SLC1A3: variants seen among roughly 807,000 people sequenced by gnomAD.
SLC1A3 encodes the protein solute carrier family 1 member 3, also known as excitatory amino acid transporter 1.
SLC1A3 carries 21 observed loss-of-function variants against 48.1 expected under a neutral mutation model. The observed-to-expected ratio is 0.44, with a 90% CI of 0.31 to 0.63. SLC1A3 has a LOEUF of 0.63. Ranked by LOEUF, SLC1A3 falls within the 20% of genes least tolerant of loss-of-function variation. The pLI, the probability that SLC1A3 is intolerant of heterozygous loss-of-function variation, is 0.08. For synonymous variants in SLC1A3, 239 were observed against 251.4 expected, an observed-to-expected ratio of 0.95 and a Z score of 0.47; for missense variants, 546 against 689.0, an observed-to-expected ratio of 0.79 and a Z score of 2.32.
At chr5:36,608,956 G>A in intron 2 of SLC1A3, 32 of 1,024,438 alleles carry the variant, frequency 3.1e-5, no homozygotes, top group Admixed American at 5.2e-5. Context: ...TATATACAAT[G>A]TCAGTTGCAC....
intron 3 of SLC1A3, among the ~76,000 whole-genome samples, chr5:36,635,636 T>C (rs1201861939): frequency 6.6e-6 from 1 of 152,208 alleles, no homozygotes; most frequent in Non-Finnish European, 1.5e-5. Flanking sequence ...TTGTAAATAT[T>C]TTCATTGGTT....
At chr5:36,639,776 G>T (rs1740538173) in intron 3 of SLC1A3, among the ~76,000 whole-genome samples, 1 of 152,136 alleles carries the variant, frequency 6.6e-6, no homozygotes, top group South Asian at 2.1e-4. Flanking sequence ...CTTACTATTT[G>T]TGTAAGTAAA....
At chr5:36,643,143 C>T (rs1740687210) in intron 3 of SLC1A3, among the ~76,000 whole-genome samples, 1 of 152,146 alleles carries the variant, frequency 6.6e-6, no homozygotes, top group Admixed American at 6.6e-5. Flanking sequence ...CATTCATGGA[C>T]ATACATTTTC....
intron 7 of SLC1A3, among the ~76,000 whole-genome samples, chr5:36,680,151 G>A (rs553148391): frequency 6.6e-6 from 1 of 152,316 alleles, no homozygotes; most frequent in South Asian, 2.1e-4. Context: ...ACAGGCTGTC[G>A]TGATGAGGGC....
rs927470194 is a variant in SLC1A3, at chr5:36,656,116, T to C, written c.320-14913T>C. Among the ~76,000 whole-genome samples the C allele has an allele frequency of 6.6e-5, 10 of 152,358 alleles. No individual in the cohort carries two copies. The South Asian group carries it at 1.2e-3, about 19-fold the overall frequency. On this transcript the variant is annotated intron_variant, in intron 3 of 9. Transcript: ENST00000265113. ...AAAGGTTAATTCTATAATTGGTCAG[T>C]GACTTTTTAATTTTACCTGCCATAA...
intron 3 of SLC1A3, among the ~76,000 whole-genome samples, chr5:36,639,049 A>G (rs1366700732): frequency 6.6e-6 from 1 of 152,226 alleles, no homozygotes; most frequent in East Asian, 1.9e-4. Context: ...AAAAAGTGAA[A>G]TGCTACTCTG....
At chr5:36,615,620 A>G (rs763843631) in intron 2 of SLC1A3, among the ~76,000 whole-genome samples, 10 of 152,200 alleles carry the variant, frequency 6.6e-5, no homozygotes, top group Non-Finnish European at 1.5e-4. Flanking sequence ...GTCTCTGCCC[A>G]TCTCTCATAA....
At chr5:36,625,365 T>G in intron 2 of SLC1A3, among the ~76,000 whole-genome samples, 1 of 152,082 alleles carries the variant, frequency 6.6e-6, no homozygotes, top group Non-Finnish European at 1.5e-5. Context: ...GGCTGAGGCA[T>G]GAGAATTGCT....
At chr5:36,608,734 G>T in intron 2 of SLC1A3, 130 bp downstream of exon 2, 1 of 1,490,306 alleles carries the variant, frequency 6.7e-7, no homozygotes, top group Admixed American at 2.4e-5. Context: ...CTCTGAACTT[G>T]ATGATTTTTC....
chr5:36,632,822 G>A (rs889923830), intron 3 of SLC1A3, among the ~76,000 whole-genome samples: 61 of 152,272 alleles, frequency 4.0e-4, no homozygotes, highest in African/African-American at 1.4e-3. Flanking sequence ...TGAAACATCC[G>A]TGTTTATGAG....
At chr5:36,607,584 C>T (rs1469571859) in intron 1 of SLC1A3, among the ~76,000 whole-genome samples, 3 of 152,122 alleles carry the variant, frequency 2.0e-5, no homozygotes, top group African/African-American at 7.2e-5. Flanking sequence ...CGGAAGATTC[C>T]AGCATGTGTG....
At chr5:36,624,654 T>G (rs1388688864) in intron 2 of SLC1A3, among the ~76,000 whole-genome samples, 1 of 152,244 alleles carries the variant, frequency 6.6e-6, no homozygotes, top group Admixed American at 6.5e-5. Flanking sequence ...GATGCAAACG[T>G]TGACACACGT....
chr5:36,655,086 A>G (rs1173600658), intron 3 of SLC1A3, among the ~76,000 whole-genome samples: 1 of 152,138 alleles, frequency 6.6e-6, no homozygotes, highest in Non-Finnish European at 1.5e-5. Flanking sequence ...TGTTTGTTGT[A>G]TGTGCCTCCT....
At chr5:36,680,798 T>A (rs1296211917) in intron 8 of SLC1A3, among the ~76,000 whole-genome samples, 2 of 151,740 alleles carry the variant, frequency 1.3e-5, no homozygotes, top group Non-Finnish European at 2.9e-5. Context: ...GGGCCTGTGG[T>A]CCCAGCTACT....
chr5:36,599,899 G>A (rs1004447070), intron 1 of SLC1A3, among the ~76,000 whole-genome samples: 4 of 151,962 alleles, frequency 2.6e-5, no homozygotes, highest in East Asian at 3.9e-4. Flanking sequence ...TAGGCTCACC[G>A]CAACCTCCGA....
chr5:36,622,531 T>C (rs1739717504), intron 2 of SLC1A3, among the ~76,000 whole-genome samples: 1 of 152,214 alleles, frequency 6.6e-6, no homozygotes, highest in Admixed American at 6.5e-5. Flanking sequence ...TTTTCTGGCA[T>C]CTTAATATTT....
At chr5:36,658,022 A>G (rs928077932) in intron 3 of SLC1A3, among the ~76,000 whole-genome samples, 2 of 152,224 alleles carry the variant, frequency 1.3e-5, no homozygotes, top group African/African-American at 4.8e-5. Context: ...TTGGGCAGGC[A>G]ATGTGCTAAC....
intron 4 of SLC1A3, among the ~76,000 whole-genome samples, chr5:36,672,446 C>T (rs1418497533): frequency 6.6e-6 from 1 of 152,204 alleles, no homozygotes; most frequent in African/African-American, 2.4e-5. Flanking sequence ...TAGTCCCTCC[C>T]AGCCTGTCTT....
At chr5:36,645,178 A>G (rs1740785063) in intron 3 of SLC1A3, among the ~76,000 whole-genome samples, 1 of 152,122 alleles carries the variant, frequency 6.6e-6, no homozygotes, top group African/African-American at 2.4e-5. Context: ...AAGAAAGTAA[A>G]TATTTGCTTT....
Sources: allele counts gnomAD v4.1 joint callset (sites outside exome capture counted in the v4.1 genomes callset), GRCh38; gene constraint gnomAD v4.1.1; transcripts MANE v1.5; gene names NCBI Gene and HGNC (gene_info 2026-07-23, HGNC 2026-07-21).